Variants in PLCB1 observed in about 807,000 individuals in gnomAD.
The protein encoded by PLCB1 is phospholipase C beta 1, also known as 1-phosphatidylinositol 4,5-bisphosphate phosphodiesterase beta-1.
PLCB1 carries 46 observed loss-of-function variants against 161.8 expected under a neutral mutation model. The ratio of observed to expected loss-of-function variants is 0.28; its 90% CI spans 0.22 to 0.36. PLCB1 has a LOEUF of 0.36. PLCB1 is among the 10% of genes least tolerant of loss of function. PLCB1 has a pLI of 1.00. For synonymous variants in PLCB1, 517 were observed against 503.7 expected, an observed-to-expected ratio of 1.03 and a Z score of -0.35; for missense variants, 1,016 against 1,472.5, an observed-to-expected ratio of 0.69 and a Z score of 5.07.
At chr20:8,199,615 T>C (rs1385235699) in intron 2 of PLCB1, among the ~76,000 whole-genome samples, 1 of 152,166 alleles carries the variant, frequency 6.6e-6, no homozygotes, top group Non-Finnish European at 1.5e-5. Context: ...AATTAGTTTG[T>C]ATGTGAGATT....
chr20:8,733,176 T>C, intron 18 of PLCB1, 62 bp from the exon 19 acceptor site: 1 of 1,537,570 alleles, frequency 6.5e-7, no homozygotes, highest in Non-Finnish European at 9.0e-7. Context: ...TACTTTACAA[T>C]CTTACTTTCT....
intron 3 of PLCB1, among the ~76,000 whole-genome samples, chr20:8,406,375 G>A (rs1197410060): frequency 1.3e-5 from 2 of 152,128 alleles, no homozygotes; most frequent in Non-Finnish European, 2.9e-5. Flanking sequence ...GAACATGCAG[G>A]TAATGTTTTA....
chr20:8,722,215 A>C, intron 14 of PLCB1, 139 bp from the exon 15 acceptor site: 1 of 580,238 alleles, frequency 1.7e-6, no homozygotes, highest in Non-Finnish European at 3.0e-6. Flanking sequence ...ATAAAATTTA[A>C]ATCCTTGAAA....
chr20:8,590,598 G>T (rs185403823), intron 3 of PLCB1, among the ~76,000 whole-genome samples: 58 of 152,220 alleles, frequency 3.8e-4, no homozygotes, highest in Non-Finnish European at 6.9e-4. Flanking sequence ...AGATCAAGGT[G>T]CCAGCAGGTG....
At position 8,369,489 on chromosome 20, in the gene PLCB1, G is replaced by T. The variant is rs188825164; in HGVS notation, c.178-1893G>T. Reference sequence around the variant, plus strand: ...CTTACTCATGTCTGGTTTTTCCACCGTTTCTTCACAGAGGGTTCTATAATG... The same window carrying T: ...CTTACTCATGTCTGGTTTTTCCACCTTTTCTTCACAGAGGGTTCTATAATG... On this transcript the variant is annotated intron_variant, in intron 2 of 31. Transcript: ENST00000338037. Among the ~76,000 whole-genome samples the T allele has an allele frequency of 9.2e-5, 14 of 152,252 alleles. No homozygotes were observed. In the East Asian group the frequency reaches 2.7e-3, roughly 29 times the overall value.
chr20:8,403,047 T>C (rs1055464749), intron 3 of PLCB1, among the ~76,000 whole-genome samples: 2 of 152,190 alleles, frequency 1.3e-5, no homozygotes, highest in African/African-American at 4.8e-5. Flanking sequence ...CAGTGTTGTA[T>C]ATGATATCAT....
rs368158903 is a variant in PLCB1 at position 8,648,375 on chromosome 20, CAGG to C, written c.518+433_518+435del. On this transcript the variant is annotated intron_variant, in intron 6 of 31. Coordinates refer to ENST00000338037, the MANE Select transcript of PLCB1 (RefSeq NM_015192.4). ...AGGGAATGTAAATGATGAAACAGGT[CAGG>C]AGGAGGAGGAAAAACTAAAGAGCAA... Among the ~76,000 whole-genome samples the C allele has an allele frequency of 7.8e-3, 1,183 of 152,164 alleles. 19 individuals carry two copies. Among genetic ancestry groups the C allele is most frequent in the African/African-American group, 0.027 (1,136 of 41,486 alleles).
intron 31 of PLCB1, among the ~76,000 whole-genome samples, chr20:8,836,439 TTCTG>T (rs1047780119): frequency 9.9e-5 from 15 of 152,212 alleles, no homozygotes; most frequent in African/African-American, 3.6e-4. Flanking sequence ...ACACTATTGA[TTCTG>T]TCTCTCTGGA....
chr20:8,872,426 C>G (rs984990975), intron 31 of PLCB1, among the ~76,000 whole-genome samples: 4 of 152,096 alleles, frequency 2.6e-5, no homozygotes, highest in Admixed American at 2.0e-4. Flanking sequence ...CAATGGCAAC[C>G]TTGAATTACA....
intron 2 of PLCB1, among the ~76,000 whole-genome samples, chr20:8,171,922 G>A (rs1189904225): frequency 2.0e-5 from 3 of 152,142 alleles, no homozygotes; most frequent in Admixed American, 2.0e-4. Context: ...AGGTTGGTGG[G>A]AGTAAACTGC....
intron 3 of PLCB1, among the ~76,000 whole-genome samples, chr20:8,616,122 C>T (rs1032405435): frequency 1.8e-4 from 27 of 152,136 alleles, no homozygotes; most frequent in African/African-American, 6.5e-4. Context: ...AAATCTGTCC[C>T]CCATATTCTA....
intron 3 of PLCB1, among the ~76,000 whole-genome samples, chr20:8,566,743 G>T (rs1342363968): frequency 1.3e-5 from 2 of 151,238 alleles, no homozygotes; most frequent in Non-Finnish European, 2.9e-5. Context: ...AGGTGGTGAA[G>T]TCTGTTTTAG....
chr20:8,776,863 A>G (rs1440176431), intron 27 of PLCB1, among the ~76,000 whole-genome samples: 1 of 152,230 alleles, frequency 6.6e-6, no homozygotes, highest in Non-Finnish European at 1.5e-5. Flanking sequence ...GAGAAAAACA[A>G]TAACAGAAAT....
intron 2 of PLCB1, among the ~76,000 whole-genome samples, chr20:8,154,233 G>A (rs766438588): frequency 1.1e-4 from 16 of 152,070 alleles, no homozygotes; most frequent in Non-Finnish European, 1.9e-4. Context: ...ATATCATTCC[G>A]TTAAATTGGC....
chr20:8,393,908 C>G (rs1357617906), intron 3 of PLCB1, among the ~76,000 whole-genome samples: 3 of 152,088 alleles, frequency 2.0e-5, no homozygotes, highest in Admixed American at 2.0e-4. Context: ...AGAACAGGTT[C>G]TTAGGTGATC....
chr20:8,283,853 C>A (rs1490565673), intron 2 of PLCB1, among the ~76,000 whole-genome samples: 1 of 151,966 alleles, frequency 6.6e-6, no homozygotes, highest in African/African-American at 2.4e-5. Flanking sequence ...AAAAACAATT[C>A]TTGGTAATTT....
chr20:8,729,315 C>A, intron 18 of PLCB1, 141 bp downstream of exon 18: 1 of 599,716 alleles, frequency 1.7e-6, no homozygotes, highest in Non-Finnish European at 2.6e-6. Context: ...AAGGGAATAT[C>A]AATGCATAAA....
chr20:8,748,332 T>C (rs977104732), intron 23 of PLCB1, among the ~76,000 whole-genome samples: 3 of 152,118 alleles, frequency 2.0e-5, no homozygotes, highest in African/African-American at 7.2e-5. Flanking sequence ...CTCATTATGG[T>C]AGAGTGATTT....
chr20:8,707,429 C>T (rs1441954825), intron 11 of PLCB1, among the ~76,000 whole-genome samples: 3 of 152,118 alleles, frequency 2.0e-5, no homozygotes, highest in African/African-American at 7.2e-5. Flanking sequence ...AACCTCACTA[C>T]TACTGAAAGT....
Sources: gnomAD v4.1 joint callset for allele counts (sites outside exome capture counted in the v4.1 genomes callset) on GRCh38, gnomAD v4.1.1 for gene constraint, MANE v1.5 for transcripts, NCBI Gene and HGNC (gene_info 2026-07-23, HGNC 2026-07-21) for gene names.